MDFIC: variants seen among roughly 807,000 people sequenced by gnomAD.
The protein encoded by MDFIC is MyoD family inhibitor domain containing.
A neutral mutation model predicts 23.2 loss-of-function variants in MDFIC; 17 were observed. The ratio of observed to expected loss-of-function variants is 0.73; its 90% CI spans 0.50 to 1.10. The LOEUF is 1.10. Among genes scored for constraint, MDFIC ranks in the 50% least tolerant of loss-of-function variants. The probability of loss-of-function intolerance (pLI) is 0.00; values close to 1 mark genes in which losing one functional copy is unlikely to be tolerated. For synonymous variants in MDFIC, 120 were observed against 115.2 expected, an observed-to-expected ratio of 1.04 and a Z score of -0.27; for missense variants, 356 against 316.6, an observed-to-expected ratio of 1.12 and a Z score of -0.95.
chr7:114,939,479 G>C (rs1001752858), intron 2 of MDFIC, among the ~76,000 whole-genome samples: 1 of 152,130 alleles, frequency 6.6e-6, no homozygotes. Context: ...ACCTGAGATG[G>C]ACACTGGGAA....
In MDFIC at chr7:115,015,732, C is replaced by T. The variant is rs775513472; in HGVS notation, c.538C>T (p.Leu180=). 1.2e-5 allele frequency: 20 copies of T among 1,614,168 alleles called. No homozygotes were observed. The African/African-American group carries it at 1.9e-4, about 15-fold the overall frequency. The change falls in exon 5 of 5, where the codon CTG becomes TTG. Residue 180 remains leucine, a synonymous_variant. Transcript: ENST00000393486. ...CCTGGCTTGCTTGTTCTGCGAATTC[C>T]TGACCCTTTGCAACATTGTCCTGGG... is the stretch of plus-strand genomic sequence containing the variant. ...CILACLFCEF[L]TLCNIVLGQA... is the part of the protein sequence containing the mutation.
intron 2 of MDFIC, among the ~76,000 whole-genome samples, chr7:114,925,963 C>T (rs1030247694): frequency 7.2e-5 from 11 of 152,162 alleles, no homozygotes; most frequent in African/African-American, 2.4e-4. Flanking sequence ...TATTGATTTA[C>T]TTTCTCATGC....
chr7:114,978,124 C>T (rs892409715), intron 3 of MDFIC, among the ~76,000 whole-genome samples: 6 of 151,588 alleles, frequency 4.0e-5, no homozygotes, highest in Non-Finnish European at 7.4e-5. Context: ...ATATTTGGGG[C>T]TCAATAATTT....
intron 2 of MDFIC, among the ~76,000 whole-genome samples, chr7:114,936,931 T>C (rs777372303): frequency 1.3e-5 from 2 of 152,128 alleles, no homozygotes; most frequent in Admixed American, 6.5e-5. Flanking sequence ...TAAAAACTTA[T>C]GTAACAAACA....
intron 4 of MDFIC, among the ~76,000 whole-genome samples, chr7:115,003,233 T>A (rs1185981679): frequency 6.6e-6 from 1 of 152,132 alleles, no homozygotes. Context: ...TGTCACTGAG[T>A]ACATTCTTCC....
At chr7:114,959,274 G>C in intron 3 of MDFIC, among the ~76,000 whole-genome samples, 1 of 152,074 alleles carries the variant, frequency 6.6e-6, no homozygotes, top group Admixed American at 6.6e-5. Context: ...CCATTTTAGT[G>C]TATGAAACAC....
chr7:115,016,227 A>G lies in MDFIC; in HGVS notation c.*292A>G, dbSNP rs73447417. 7.9e-3 allele frequency: 2,578 copies of G among 327,930 alleles called. 53 individuals carry two copies. Among genetic ancestry groups the G allele is most frequent in the African/African-American group, 0.051 (2,364 of 46,342 alleles). The allele number at this position is 327,930 out of a possible 1,614,324, so 20.3% of individuals were successfully genotyped here. On this transcript the variant is annotated 3_prime_UTR_variant, in exon 5 of 5. Coordinates refer to ENST00000393486, the MANE Select transcript of MDFIC (RefSeq NM_001166345.3). ...TAAATGCCTTCTCCTTTTTACCGATATTTCTGTTTCTTTTAACCGTTCTCA... is the reference window on the plus strand; with the variant it reads ...TAAATGCCTTCTCCTTTTTACCGATGTTTCTGTTTCTTTTAACCGTTCTCA...
intron 4 of MDFIC, among the ~76,000 whole-genome samples, chr7:115,008,891 C>T (rs938209158): frequency 3.3e-5 from 5 of 152,196 alleles, no homozygotes; most frequent in African/African-American, 1.2e-4. Context: ...TTCACCCAGT[C>T]AGACTTCTGC....
At chr7:115,014,057 A>G (rs937128408) in intron 4 of MDFIC, 1 of 985,198 alleles carries the variant, frequency 1.0e-6, no homozygotes, top group Non-Finnish European at 1.2e-6. Context: ...TTCTACAAAC[A>G]CAACTCTGGA....
At position 114,961,307 on chromosome 7, in the gene MDFIC, C is replaced by T. The variant is rs118007738; in HGVS notation, c.218-18199C>T. On this transcript the variant is annotated intron_variant, in intron 3 of 4. Transcript: ENST00000393486. ...TTAGTTTTCATATTCTCTTTTATTC[C>T]CTAGTTCTTTAACTCAAAGCAAAGA... 3.3e-5 allele frequency among the ~76,000 whole-genome samples: 5 copies of T among 152,164 alleles called. No individual in the cohort carries two copies. In the East Asian group the frequency reaches 7.7e-4, roughly 23 times the overall value.
chr7:114,960,648 C>T, intron 3 of MDFIC, among the ~76,000 whole-genome samples: 1 of 152,060 alleles, frequency 6.6e-6, no homozygotes, highest in East Asian at 1.9e-4. Context: ...ACCAATGTCC[C>T]AGACACTCAG....
intron 4 of MDFIC, among the ~76,000 whole-genome samples, chr7:114,981,750 G>C (rs1283115447): frequency 6.6e-6 from 1 of 152,180 alleles, no homozygotes; most frequent in Non-Finnish European, 1.5e-5. Context: ...GTGATTGCTT[G>C]AATCTAGATT....
intron 4 of MDFIC, among the ~76,000 whole-genome samples, chr7:115,004,233 G>C (rs146575993): frequency 6.6e-6 from 1 of 152,258 alleles, no homozygotes; most frequent in East Asian, 1.9e-4. Flanking sequence ...CACCTTATGA[G>C]ATTGTCTGTC....
In MDFIC at chr7:114,923,406, G is replaced by T. The variant is rs990018739; in HGVS notation, c.94+279G>T. The stretch of plus-strand genomic sequence containing the variant: ...AGGATTGCTTCTTTCTTAAGCATAT[G>T]CATGTTTGGGCCTAAGACTCAATGT... On this transcript the variant is annotated intron_variant, in intron 2 of 4. Transcript: ENST00000393486. The T allele has an allele frequency of 1.4e-5, 21 of 1,484,100 alleles. No homozygotes were observed. In the African/African-American group the frequency reaches 2.4e-4, roughly 17 times the overall value. The allele number at this position is 1,484,100 out of a possible 1,614,324, so 91.9% of individuals were successfully genotyped here.
chr7:114,922,507 G>T lies in MDFIC; in HGVS notation c.-237G>T. On this transcript the variant is annotated 5_prime_UTR_variant, in exon 1 of 5. Transcript: ENST00000393486. ...GAGGGAGGCGGGAGGACGCGCAGGGGCGGCCGCCGCCGTCGTCAGGCCACC... is the reference window on the plus strand; with the variant it reads ...GAGGGAGGCGGGAGGACGCGCAGGGTCGGCCGCCGCCGTCGTCAGGCCACC... The T allele has an allele frequency of 1.6e-6, 2 of 1,256,932 alleles. No individual in the cohort carries two copies. Among genetic ancestry groups the T allele is most frequent in the Non-Finnish European group, 2.0e-6 (2 of 994,630 alleles). The allele number at this position is 1,256,932 out of a possible 1,614,324, so 77.9% of individuals were successfully genotyped here.
At chr7:114,952,873 C>A (rs563080625) in intron 3 of MDFIC, among the ~76,000 whole-genome samples, 1 of 152,232 alleles carries the variant, frequency 6.6e-6, no homozygotes, top group Non-Finnish European at 1.5e-5. Flanking sequence ...GTTATCTTCA[C>A]GATATTCCTT....
chr7:114,923,600 A>G (rs1792134933), intron 2 of MDFIC: 1 of 1,487,776 alleles, frequency 6.7e-7, no homozygotes, highest in Non-Finnish European at 8.9e-7. Flanking sequence ...GGAATGGCTT[A>G]TGCTTGTTTT....
At chr7:114,948,792 G>A (rs1792702590) in intron 3 of MDFIC, among the ~76,000 whole-genome samples, 1 of 152,010 alleles carries the variant, frequency 6.6e-6, no homozygotes, top group Admixed American at 6.6e-5. Context: ...TTTACCTCTA[G>A]TTCTCTGGAA....
At chr7:114,991,278 A>T (rs1177713071) in intron 4 of MDFIC, among the ~76,000 whole-genome samples, 1 of 151,868 alleles carries the variant, frequency 6.6e-6, no homozygotes, top group Non-Finnish European at 1.5e-5. Flanking sequence ...GATTGCAAAA[A>T]TTTTCTCCAA....
Sources: allele counts gnomAD v4.1 joint callset (sites outside exome capture counted in the v4.1 genomes callset), GRCh38; gene constraint gnomAD v4.1.1; transcripts MANE v1.5; gene names NCBI Gene and HGNC (gene_info 2026-07-23, HGNC 2026-07-21).